Variants in GTF2E2 observed in about 807,000 individuals in gnomAD.
GTF2E2 encodes the protein general transcription factor IIE subunit 2, also known as transcription initiation factor IIE subunit beta.
Under a neutral mutation model 40.5 loss-of-function variants are expected in GTF2E2, and 21 were observed. The observed-to-expected ratio is 0.52, with a 90% CI of 0.37 to 0.75. The LOEUF is 0.75. Ranked by LOEUF, GTF2E2 falls within the 30% of genes least tolerant of loss-of-function variation. The pLI is 0.00. For synonymous variants in GTF2E2, 117 were observed against 121.6 expected (o/e 0.96, Z 0.25); for missense variants, 298 against 338.4 (o/e 0.88, Z 0.94).
Position 30,587,177 on chromosome 8 carries a change from G to A in GTF2E2, c.644-6781C>T, listed in dbSNP as rs562655727. Among the ~76,000 whole-genome samples, 217 of 150,842 alleles carry A rather than the reference G, an allele frequency of 1.4e-3. 2 individuals are homozygous for A. Among genetic ancestry groups the A allele is most frequent in the South Asian group, 0.012 (59 of 4,758 alleles). On this transcript the variant is annotated intron_variant, in intron 6 of 7. Coordinates refer to ENST00000355904, the MANE Select transcript of GTF2E2 (RefSeq NM_002095.6). ...TATAATCCCAGCACTTTGGGAGGGC[G>A]AGGCAGGAAGATTGCTTGAGCCTAG...
chr8:30,608,176 T>C (rs1002693175), intron 5 of GTF2E2, among the ~76,000 whole-genome samples: 1 of 152,178 alleles, frequency 6.6e-6, no homozygotes, highest in Non-Finnish European at 1.5e-5. Flanking sequence ...CTCTAGACTA[T>C]CTGGCAAAAA....
intron 3 of GTF2E2, among the ~76,000 whole-genome samples, chr8:30,620,239 A>AACACACAC (rs145330914): frequency 6.0e-5 from 9 of 150,418 alleles, no homozygotes; most frequent in African/African-American, 1.5e-4. Context: ...CACACACACA[A>AACACACAC]ACACACACAC....
intron 6 of GTF2E2, among the ~76,000 whole-genome samples, chr8:30,588,659 A>G (rs1024072323): frequency 2.0e-5 from 3 of 152,210 alleles, no homozygotes; most frequent in Non-Finnish European, 2.9e-5. Context: ...TGTAATCACA[A>G]GGGTCCTTAT....
chr8:30,624,383 G>A (rs1801206088), intron 3 of GTF2E2, among the ~76,000 whole-genome samples: 1 of 152,018 alleles, frequency 6.6e-6, no homozygotes, highest in South Asian at 2.1e-4. Flanking sequence ...CTCTGTTTTG[G>A]TACCAGTACC....
chr8:30,656,244 T>C (rs1802445018), intron 1 of GTF2E2, among the ~76,000 whole-genome samples: 2 of 152,190 alleles, frequency 1.3e-5, no homozygotes, highest in South Asian at 2.1e-4. Flanking sequence ...AAAATGTGTA[T>C]GTTATTTTTT....
At chr8:30,588,343 G>T (rs540134369) in intron 6 of GTF2E2, among the ~76,000 whole-genome samples, 4 of 152,040 alleles carry the variant, frequency 2.6e-5, no homozygotes, top group Non-Finnish European at 5.9e-5. Context: ...ACAGATGAAC[G>T]GATAACAAAA....
intron 3 of GTF2E2, among the ~76,000 whole-genome samples, chr8:30,624,129 G>GT (rs1214832796): frequency 6.6e-6 from 1 of 152,058 alleles, no homozygotes; most frequent in Non-Finnish European, 1.5e-5. Flanking sequence ...TTCTTCTAGG[G>GT]TTTTTATGGT....
intron 6 of GTF2E2, among the ~76,000 whole-genome samples, chr8:30,601,692 T>G (rs748792351): frequency 2.6e-5 from 4 of 152,238 alleles, no homozygotes; most frequent in Non-Finnish European, 5.9e-5. Flanking sequence ...CAATTCTATT[T>G]AACATATATA....
rs541860624 is a variant in GTF2E2 at position 30,629,935 on chromosome 8, T to C, written c.258+5097A>G. 1.1e-4 allele frequency among the ~76,000 whole-genome samples: 16 copies of C among 152,268 alleles called. No individual in the cohort carries two copies. The South Asian group carries it at 2.7e-3, about 26-fold the overall frequency. ...TGCTGAAATCAAGAGAAAAATCATT[T>C]TATCAAAAATAAAGTACACACTTAA... On this transcript the variant is annotated intron_variant, in intron 3 of 7. Coordinates refer to ENST00000355904, the MANE Select transcript of GTF2E2 (RefSeq NM_002095.6).
intron 3 of GTF2E2, among the ~76,000 whole-genome samples, chr8:30,626,393 G>A (rs1006904762): frequency 6.6e-6 from 1 of 152,176 alleles, no homozygotes. Flanking sequence ...GCTGAAGCAG[G>A]AGAATCGCTT....
At chr8:30,635,170 G>T in intron 2 of GTF2E2, 47 bp from the exon 3 acceptor site, 1 of 1,050,298 alleles carries the variant, frequency 9.5e-7, no homozygotes, top group South Asian at 1.3e-5. Context: ...GTGTGATTAT[G>T]ACTCTTGAGC....
intron 3 of GTF2E2, among the ~76,000 whole-genome samples, chr8:30,620,108 G>C (rs1801042706): frequency 6.6e-6 from 1 of 152,094 alleles, no homozygotes; most frequent in East Asian, 1.9e-4. Context: ...CCTATACTCT[G>C]ACTTTAGCCC....
chr8:30,632,075 A>G (rs1801452519), intron 3 of GTF2E2, among the ~76,000 whole-genome samples: 2 of 152,186 alleles, frequency 1.3e-5, no homozygotes, highest in Non-Finnish European at 2.9e-5. Flanking sequence ...GTGCCAATGC[A>G]CTCTAGCCTA....
chr8:30,603,590 G>A (rs367853781), intron 6 of GTF2E2, among the ~76,000 whole-genome samples: 4 of 152,020 alleles, frequency 2.6e-5, no homozygotes, highest in South Asian at 2.1e-4. Context: ...AATAAACTAC[G>A]ACTGCCAAGA....
chr8:30,623,715 G>C (rs1278000303), intron 3 of GTF2E2, among the ~76,000 whole-genome samples: 1 of 151,976 alleles, frequency 6.6e-6, no homozygotes, highest in Admixed American at 6.6e-5. Flanking sequence ...ATTCTAACTG[G>C]TGTGAGATGG....
At chr8:30,614,840 G>A (rs1174099477) in intron 3 of GTF2E2, 125 bp from the exon 4 acceptor site, 4 of 606,432 alleles carry the variant, frequency 6.6e-6, no homozygotes, top group Non-Finnish European at 1.2e-5. Context: ...CATAATTATA[G>A]TGACGAAGAG....
intron 3 of GTF2E2, among the ~76,000 whole-genome samples, chr8:30,619,852 G>C (rs1453780222): frequency 6.6e-6 from 1 of 151,992 alleles, no homozygotes; most frequent in Non-Finnish European, 1.5e-5. Context: ...GTGTTACCTT[G>C]CATGACAAAA....
At chr8:30,616,873 T>C (rs1486879718) in intron 3 of GTF2E2, among the ~76,000 whole-genome samples, 1 of 152,116 alleles carries the variant, frequency 6.6e-6, no homozygotes, top group Non-Finnish European at 1.5e-5. Context: ...ATATGCACTA[T>C]GAACCCTTGT....
At chr8:30,608,262 G>T (rs1413811888) in intron 5 of GTF2E2, among the ~76,000 whole-genome samples, 2 of 152,148 alleles carry the variant, frequency 1.3e-5, no homozygotes, top group African/African-American at 4.8e-5. Context: ...TCAAGCTTAA[G>T]AATCAACAAG....
Sources: gnomAD v4.1 joint callset for allele counts (sites outside exome capture counted in the v4.1 genomes callset) on GRCh38, gnomAD v4.1.1 for gene constraint, MANE v1.5 for transcripts, NCBI Gene and HGNC (gene_info 2026-07-23, HGNC 2026-07-21) for gene names.